The following RBFOX1 variants were observed in gnomAD, a reference collection of about 807,000 sequenced individuals.
The protein encoded by RBFOX1 is RNA binding protein fox-1 homolog 1.
Under a neutral mutation model 57.7 loss-of-function variants are expected in RBFOX1, and 8 were observed. The observed-to-expected ratio is 0.14, with a 90% CI of 0.08 to 0.25. The LOEUF (loss-of-function observed/expected upper bound fraction) is 0.25, where lower values mean the gene tolerates loss of function less well. Among genes scored for constraint, RBFOX1 ranks in the 10% least tolerant of loss-of-function variants. The pLI is 1.00. For missense variants in RBFOX1, 611 were observed against 548.5 expected, an observed-to-expected ratio of 1.11 and a Z score of -1.14; for synonymous variants, 326 against 222.4, an observed-to-expected ratio of 1.47 and a Z score of -4.15.
intron 2 of RBFOX1, among the ~76,000 whole-genome samples, chr16:6,467,263 A>G (rs901581034): frequency 6.6e-6 from 1 of 151,646 alleles, no homozygotes; most frequent in Admixed American, 6.6e-5. Flanking sequence ...TGTAATATAA[A>G]GCTTACTTAA....
intron 1 of RBFOX1, among the ~76,000 whole-genome samples, chr16:6,048,695 G>T (rs763533702): frequency 3.9e-5 from 6 of 151,962 alleles, no homozygotes; most frequent in Admixed American, 1.3e-4. Context: ...CATTATATAC[G>T]AGTGACCTTT....
chr16:5,940,605 A>G (rs978715700), intron 4 of RBFOX1, among the ~76,000 whole-genome samples: 5 of 152,256 alleles, frequency 3.3e-5, no homozygotes, highest in African/African-American at 1.2e-4. Flanking sequence ...GGCTCTCAGA[A>G]CAGCACCAAA....
intron 3 of RBFOX1, among the ~76,000 whole-genome samples, chr16:6,768,673 T>C (rs2077772023): frequency 6.7e-6 from 1 of 149,946 alleles, no homozygotes. Context: ...TACAGGCATA[T>C]ATATGTAAAA....
At chr16:5,424,650 C>G (rs1435471690) in intron 1 of RBFOX1, among the ~76,000 whole-genome samples, 1 of 151,908 alleles carries the variant, frequency 6.6e-6, no homozygotes, top group Non-Finnish European at 1.5e-5. Flanking sequence ...CAAACCTGCA[C>G]ATCCTGCACG....
rs57333413 is a variant in RBFOX1 at position 7,211,391 on chromosome 16, C to CAA, written c.27+159313_27+159314dup. Reference sequence around the variant, plus strand: ...TGGGCGACAGAGTGAGACTGCCTCTCAAAAAAAAAAAAAAAAAAAAATTGG... The same window carrying CAA: ...TGGGCGACAGAGTGAGACTGCCTCTCAAAAAAAAAAAAAAAAAAAAAAATTGG... On this transcript the variant is annotated intron_variant, in intron 4 of 15. Transcript: ENST00000550418. Among the ~76,000 whole-genome samples the CAA allele has an allele frequency of 9.5e-3, 798 of 83,882 alleles. 31 individuals carry two copies. Among genetic ancestry groups the CAA allele is most frequent in the African/African-American group, 0.034 (736 of 21,398 alleles). 55.0% of individuals were successfully genotyped at this position (83,882 alleles called of 152,430 possible). A position where few individuals can be genotyped will look rare whatever the true frequency, so the allele number is the denominator to read the frequency against.
At chr16:6,126,559 TC>T (rs1166085275) in intron 1 of RBFOX1, among the ~76,000 whole-genome samples, 10 of 152,156 alleles carry the variant, frequency 6.6e-5, no homozygotes, top group African/African-American at 2.4e-4. Flanking sequence ...CAAACTATCT[TC>T]CATATGGCTT....
intron 2 of RBFOX1, among the ~76,000 whole-genome samples, chr16:6,382,933 C>T (rs2091945930): frequency 6.6e-6 from 1 of 152,132 alleles, no homozygotes; most frequent in Non-Finnish European, 1.5e-5. Flanking sequence ...AGAAGCAGCA[C>T]AATAGACCAG....
intron 2 of RBFOX1, among the ~76,000 whole-genome samples, chr16:6,425,168 T>C (rs916955343): frequency 1.3e-5 from 2 of 152,164 alleles, no homozygotes; most frequent in African/African-American, 2.4e-5. Flanking sequence ...TCTGAGTAGA[T>C]AGAGGAACCA....
chr16:5,458,569 G>A (rs916306282), intron 1 of RBFOX1, among the ~76,000 whole-genome samples: 6 of 152,168 alleles, frequency 3.9e-5, no homozygotes, highest in Non-Finnish European at 8.8e-5. Context: ...AGCCTCAAAG[G>A]TTAGGCAAGG....
intron 2 of RBFOX1, among the ~76,000 whole-genome samples, chr16:5,517,920 G>A (rs1021089132): frequency 1.4e-5 from 2 of 146,660 alleles, no homozygotes; most frequent in Non-Finnish European, 1.5e-5. Flanking sequence ...TATAAAATAT[G>A]CAAAAGCTAC....
intron 4 of RBFOX1, among the ~76,000 whole-genome samples, chr16:7,433,802 C>G (rs926006806): frequency 3.3e-5 from 5 of 152,036 alleles, no homozygotes; most frequent in Admixed American, 2.6e-4. Flanking sequence ...AGACAGCTAG[C>G]CAGCCAGCCT....
At chr16:6,924,226 TA>T (rs1227117954) in intron 3 of RBFOX1, among the ~76,000 whole-genome samples, 2 of 151,832 alleles carry the variant, frequency 1.3e-5, no homozygotes, top group African/African-American at 4.9e-5. Flanking sequence ...GGGTAATTTA[TA>T]AAGAAAAGAG....
intron 1 of RBFOX1, among the ~76,000 whole-genome samples, chr16:6,217,428 C>G (rs1002774669): frequency 3.9e-5 from 6 of 152,084 alleles, no homozygotes; most frequent in Non-Finnish European, 5.9e-5. Context: ...ACGTGATAAT[C>G]AAACATTTCA....
At chr16:6,966,169 C>G (rs370732148) in intron 3 of RBFOX1, among the ~76,000 whole-genome samples, 16 of 152,214 alleles carry the variant, frequency 1.1e-4, no homozygotes, top group African/African-American at 3.9e-4. Flanking sequence ...TACGCTCTTG[C>G]CAGAGGCTTC....
At chr16:6,120,664 TTATTAA>T (rs1394350686) in intron 1 of RBFOX1, among the ~76,000 whole-genome samples, 3 of 152,236 alleles carry the variant, frequency 2.0e-5, no homozygotes, top group Non-Finnish European at 4.4e-5. Context: ...TTGTTATTAA[TTATTAA>T]TATTAATTTT....
chr16:5,287,743 C>T (rs996939764), intron 1 of RBFOX1, among the ~76,000 whole-genome samples: 3 of 152,096 alleles, frequency 2.0e-5, no homozygotes, highest in African/African-American at 7.2e-5. Context: ...GCACAGTTTC[C>T]AAGTTTTTGG....
intron 1 of RBFOX1, among the ~76,000 whole-genome samples, chr16:6,052,650 G>A (rs1013753965): frequency 4.6e-5 from 7 of 151,876 alleles, no homozygotes; most frequent in African/African-American, 1.4e-4. Flanking sequence ...CTGGCGCGGT[G>A]GCGGGCGCCT....
chr16:5,938,546 C>G (rs1275342694), intron 4 of RBFOX1, among the ~76,000 whole-genome samples: 6 of 152,214 alleles, frequency 3.9e-5, no homozygotes, highest in Middle Eastern at 3.2e-3. Context: ...AACTCTACAA[C>G]CTATTTCACT....
At chr16:6,238,312 C>T (rs1567746721) in intron 1 of RBFOX1, among the ~76,000 whole-genome samples, 1 of 152,148 alleles carries the variant, frequency 6.6e-6, no homozygotes, top group Non-Finnish European at 1.5e-5. Flanking sequence ...GAAACTCCCT[C>T]TTCAGGTTTG....
Sources: gnomAD v4.1 joint callset for allele counts (sites outside exome capture counted in the v4.1 genomes callset) on GRCh38, gnomAD v4.1.1 for gene constraint, MANE v1.5 for transcripts, NCBI Gene and HGNC (gene_info 2026-07-23, HGNC 2026-07-21) for gene names.